The following NTNG1 variants were observed in gnomAD, a reference collection of about 807,000 sequenced individuals.
NTNG1 encodes netrin-G1.
NTNG1 carries 16 observed loss-of-function variants against 54.0 expected under a neutral mutation model. The observed-to-expected ratio is 0.30, with a 90% confidence interval of 0.20 to 0.45. NTNG1 has a LOEUF of 0.45. Ranked by LOEUF, NTNG1 falls within the 20% of genes least tolerant of loss-of-function variation. NTNG1 has a pLI of 1.00. For missense variants in NTNG1, 530 were observed against 678.7 expected (o/e 0.78, Z 2.43); for synonymous variants, 255 against 263.1 (o/e 0.97, Z 0.30).
chr1:107,466,461 C>G (rs1199611702), intron 7 of NTNG1, among the ~76,000 whole-genome samples: 3 of 152,172 alleles, frequency 2.0e-5, no homozygotes, highest in African/African-American at 7.2e-5. Context: ...AAATTCTTAT[C>G]TTCATGGAGC....
At chr1:107,262,287 G>T (rs1369517625) in intron 2 of NTNG1, among the ~76,000 whole-genome samples, 2 of 152,168 alleles carry the variant, frequency 1.3e-5, no homozygotes, top group Admixed American at 1.3e-4. Flanking sequence ...AGGACGACTA[G>T]GTTCACTACT....
At chr1:107,472,363 C>A (rs1244167176) in intron 7 of NTNG1, among the ~76,000 whole-genome samples, 2 of 152,170 alleles carry the variant, frequency 1.3e-5, no homozygotes, top group Non-Finnish European at 2.9e-5. Flanking sequence ...AATATTCATG[C>A]AAATCATAAA....
At chr1:107,292,785 G>C (rs1028289229) in intron 2 of NTNG1, among the ~76,000 whole-genome samples, 4 of 152,222 alleles carry the variant, frequency 2.6e-5, no homozygotes, top group Admixed American at 2.0e-4. Flanking sequence ...AGAATCAAGG[G>C]AAATGGGATG....
chr1:107,315,831 C>T (rs1366225397), intron 2 of NTNG1, among the ~76,000 whole-genome samples: 3 of 152,168 alleles, frequency 2.0e-5, no homozygotes, highest in Admixed American at 2.0e-4. Context: ...ATTTACCACA[C>T]TATACCCAGT....
chr1:107,266,916 A>G (rs561443485), intron 2 of NTNG1, among the ~76,000 whole-genome samples: 3 of 152,142 alleles, frequency 2.0e-5, no homozygotes, highest in Non-Finnish European at 4.4e-5. Flanking sequence ...TCATGTACAG[A>G]TTTCTTTCAC....
intron 7 of NTNG1, among the ~76,000 whole-genome samples, chr1:107,455,343 C>T (rs964188188): frequency 6.6e-6 from 1 of 152,280 alleles, no homozygotes; most frequent in South Asian, 2.1e-4. Flanking sequence ...GGATTACAGG[C>T]GTGAGCCACC....
chr1:107,180,163 A>T (rs1656964536), intron 2 of NTNG1, among the ~76,000 whole-genome samples: 2 of 152,212 alleles, frequency 1.3e-5, no homozygotes, highest in Non-Finnish European at 2.9e-5. Flanking sequence ...AAAGCCCATT[A>T]GGAAATAAAA....
intron 7 of NTNG1, among the ~76,000 whole-genome samples, chr1:107,466,178 A>G (rs1264761220): frequency 6.6e-6 from 1 of 151,870 alleles, no homozygotes; most frequent in Admixed American, 6.6e-5. Context: ...GAAGATTGTG[A>G]GGGAGAGAAT....
intron 2 of NTNG1, among the ~76,000 whole-genome samples, chr1:107,298,114 C>T (rs760644818): frequency 6.6e-6 from 1 of 152,048 alleles, no homozygotes; most frequent in Non-Finnish European, 1.5e-5. Flanking sequence ...ATAGACTCAA[C>T]AAATGGATCA....
chr1:107,417,356 G>T (rs75324251), intron 5 of NTNG1, among the ~76,000 whole-genome samples: 2,735 of 152,092 alleles, frequency 0.018, 90 homozygotes, highest in African/African-American at 0.063. Flanking sequence ...ATTTAAAAAA[G>T]CAAAGTTATA....
At chr1:107,373,968 T>C (rs991857439) in intron 3 of NTNG1, among the ~76,000 whole-genome samples, 5 of 152,156 alleles carry the variant, frequency 3.3e-5, no homozygotes, top group Non-Finnish European at 7.4e-5. Flanking sequence ...TCTGAGAGTA[T>C]TGGGATTACA....
intron 7 of NTNG1, among the ~76,000 whole-genome samples, chr1:107,467,515 TG>T (rs1677684164): frequency 6.6e-6 from 1 of 152,218 alleles, no homozygotes; most frequent in Non-Finnish European, 1.5e-5. Context: ...CCCTGTGAAG[TG>T]GCCTCTTTTA....
chr1:107,285,292 A>G (rs941946566), intron 2 of NTNG1, among the ~76,000 whole-genome samples: 1 of 152,192 alleles, frequency 6.6e-6, no homozygotes, highest in Non-Finnish European at 1.5e-5. Context: ...TAGCTTTTAA[A>G]TTTGCTTTCA....
intron 2 of NTNG1, among the ~76,000 whole-genome samples, chr1:107,181,042 A>T (rs1485910695): frequency 2.0e-5 from 3 of 152,194 alleles, no homozygotes; most frequent in Non-Finnish European, 4.4e-5. Context: ...CCCCTCCTGC[A>T]AGTGGCCACT....
chr1:107,380,416 A>T (rs1042413889), intron 3 of NTNG1, among the ~76,000 whole-genome samples: 9 of 152,142 alleles, frequency 5.9e-5, no homozygotes, highest in Admixed American at 5.2e-4. Flanking sequence ...GTTTGGCTTT[A>T]TATTCTGTTA....
At chr1:107,422,817 T>C (rs1266038305) in intron 5 of NTNG1, among the ~76,000 whole-genome samples, 1 of 152,168 alleles carries the variant, frequency 6.6e-6, no homozygotes, top group African/African-American at 2.4e-5. Flanking sequence ...AAAAAAAATC[T>C]ACCTGTTCTA....
At chr1:107,338,511 A>G (rs1668717170) in intron 3 of NTNG1, among the ~76,000 whole-genome samples, 1 of 151,930 alleles carries the variant, frequency 6.6e-6, no homozygotes, top group African/African-American at 2.4e-5. Context: ...CTTAAGTAGT[A>G]ACTGGATCTA....
At position 107,480,996 on chromosome 1, in the gene NTNG1, AC is replaced by A; in HGVS notation, c.*159del. On this transcript the variant is annotated 3_prime_UTR_variant, in exon 8 of 8. Coordinates refer to ENST00000370068, the MANE Select transcript of NTNG1 (RefSeq NM_001113226.3). ...CTAACTGAACTAAGCCATATTTATC[AC>A]CCGTGGACAGCACATCCGAGTCAAG... is the stretch of plus-strand genomic sequence containing the variant. 1.7e-6 allele frequency: 1 copy of A among 602,214 alleles called. No homozygotes were observed. Among genetic ancestry groups the A allele is most frequent in the Non-Finnish European group, 2.9e-6 (1 of 340,802 alleles). 37.3% of individuals were successfully genotyped at this position (602,214 alleles called of 1,614,324 possible).
At chr1:107,320,987 A>C (rs1389047477) in intron 2 of NTNG1, among the ~76,000 whole-genome samples, 2 of 152,120 alleles carry the variant, frequency 1.3e-5, no homozygotes, top group African/African-American at 4.8e-5. Context: ...CGAAACTGTC[A>C]TTCTGATCAA....
Sources: allele counts gnomAD v4.1 joint callset (sites outside exome capture counted in the v4.1 genomes callset), GRCh38; gene constraint gnomAD v4.1.1; transcripts MANE v1.5; gene names NCBI Gene and HGNC (gene_info 2026-07-23, HGNC 2026-07-21).